Variants in MBNL1 observed in about 807,000 individuals in gnomAD.
The protein encoded by MBNL1 is muscleblind-like protein 1.
A neutral mutation model predicts 42.2 loss-of-function variants in MBNL1; 8 were observed. The ratio of observed to expected loss-of-function variants is 0.19; its 90% CI spans 0.11 to 0.34. MBNL1 has a LOEUF of 0.34. Among genes scored for constraint, MBNL1 ranks in the 10% least tolerant of loss-of-function variants. The probability of loss-of-function intolerance (pLI) is 1.00; values close to 1 mark genes in which losing one functional copy is unlikely to be tolerated. For missense variants in MBNL1, 309 were observed against 495.3 expected (o/e 0.62, Z 3.57); for synonymous variants, 169 against 173.9 (o/e 0.97, Z 0.22).
chr3:152,295,902 A>G (rs148979546), intron 1 of MBNL1, among the ~76,000 whole-genome samples: 2 of 152,346 alleles, frequency 1.3e-5, no homozygotes, highest in African/African-American at 2.4e-5. Context: ...GAGAAGCAAC[A>G]AGATAAAATG....
intron 1 of MBNL1, among the ~76,000 whole-genome samples, chr3:152,293,250 C>T (rs1320986250): frequency 6.6e-6 from 1 of 152,176 alleles, no homozygotes; most frequent in Non-Finnish European, 1.5e-5. Flanking sequence ...ATACTTACCT[C>T]TGCTTTTTGC....
At chr3:152,385,937 A>G (rs1317446218) in intron 2 of MBNL1, among the ~76,000 whole-genome samples, 1 of 152,032 alleles carries the variant, frequency 6.6e-6, no homozygotes, top group Non-Finnish European at 1.5e-5. Flanking sequence ...TCCCATATTA[A>G]TCCCTTGAGT....
intron 2 of MBNL1, among the ~76,000 whole-genome samples, chr3:152,344,748 A>C (rs2152897070): frequency 6.6e-6 from 1 of 152,258 alleles, no homozygotes. Context: ...AGAAATTATC[A>C]CTTACACGTG....
chr3:152,252,988 T>C (rs2149424045), intron 2 of MBNL1, among the ~76,000 whole-genome samples: 1 of 152,274 alleles, frequency 6.6e-6, no homozygotes, highest in East Asian at 1.9e-4. Context: ...TGTTCCGTTT[T>C]ATCACTTACT....
intron 2 of MBNL1, among the ~76,000 whole-genome samples, chr3:152,407,209 C>CTTTTTT (rs60509782): frequency 1.5e-4 from 8 of 54,350 alleles, no homozygotes; most frequent in East Asian, 7.6e-4. Flanking sequence ...GAAATATGTT[C>CTTTTTT]TTTTTTTTTT....
At chr3:152,255,666 G>T (rs891702115) in intron 2 of MBNL1, among the ~76,000 whole-genome samples, 3 of 152,040 alleles carry the variant, frequency 2.0e-5, no homozygotes, top group African/African-American at 7.2e-5. Flanking sequence ...AACTAGTAAA[G>T]AAATAAAATT....
At chr3:152,273,758 A>T (rs1162891178) in intron 1 of MBNL1, among the ~76,000 whole-genome samples, 1 of 152,214 alleles carries the variant, frequency 6.6e-6, no homozygotes, top group Non-Finnish European at 1.5e-5. Context: ...CATATGCTCC[A>T]AAAGAAAAAC....
chr3:152,370,072 G>T (rs1027681616), intron 2 of MBNL1, among the ~76,000 whole-genome samples: 3 of 151,968 alleles, frequency 2.0e-5, no homozygotes, highest in African/African-American at 7.3e-5. Context: ...GTTTGCCCTT[G>T]CTTCTCTTGT....
chr3:152,271,856 A>C (rs1028276630), intron 1 of MBNL1, among the ~76,000 whole-genome samples: 3 of 152,172 alleles, frequency 2.0e-5, no homozygotes, highest in Non-Finnish European at 4.4e-5. Context: ...GCTGTTGAGC[A>C]CTTGAAATGT....
intron 3 of MBNL1, among the ~76,000 whole-genome samples, chr3:152,426,530 T>C (rs1299221399): frequency 6.6e-6 from 1 of 152,208 alleles, no homozygotes; most frequent in African/African-American, 2.4e-5. Context: ...TAGATTTCTT[T>C]AGTGCATCCC....
chr3:152,406,053 A>G (rs762205765), intron 2 of MBNL1, among the ~76,000 whole-genome samples: 3 of 152,170 alleles, frequency 2.0e-5, no homozygotes, highest in African/African-American at 2.4e-5. Flanking sequence ...GGAGTGTTCA[A>G]TGATGCTGGC....
At chr3:152,291,974 G>GA (rs2056259580) in intron 1 of MBNL1, among the ~76,000 whole-genome samples, 1 of 152,150 alleles carries the variant, frequency 6.6e-6, no homozygotes, top group South Asian at 2.1e-4. Context: ...TTTCTGTAGA[G>GA]ATGGGGTCTC....
Position 152,463,265 on chromosome 3 carries a change from T to TAA in MBNL1, c.*900_*901dup, listed in dbSNP as rs1156617110. The TAA allele has an allele frequency of 6.6e-6, 1 of 150,988 alleles. No homozygotes were observed. The highest frequency in any genetic ancestry group is 1.5e-5 in the Non-Finnish European group (1 of 67,704). The allele number at this position is 150,988 out of a possible 1,614,324, so 9.4% of individuals were successfully genotyped here. A position where few individuals can be genotyped will look rare whatever the true frequency, so the allele number is the denominator to read the frequency against. On this transcript the variant is annotated 3_prime_UTR_variant, in exon 10 of 10. Transcript: ENST00000324210. Reference sequence around the variant, plus strand: ...CTCACACATACTGGAGATATATATATAATAGATATATATAAAATTATTTTA... The same window carrying TAA: ...CTCACACATACTGGAGATATATATATAAAATAGATATATATAAAATTATTTTA...
At chr3:152,368,990 A>G (rs2096546734) in intron 2 of MBNL1, among the ~76,000 whole-genome samples, 3 of 152,146 alleles carry the variant, frequency 2.0e-5, no homozygotes, top group African/African-American at 7.2e-5. Flanking sequence ...TTCCTATTTG[A>G]ATACACTTTA....
At chr3:152,394,855 G>A (rs1052648069) in intron 2 of MBNL1, among the ~76,000 whole-genome samples, 2 of 152,046 alleles carry the variant, frequency 1.3e-5, no homozygotes, top group Admixed American at 1.3e-4. Flanking sequence ...ATCATCCATA[G>A]TTAATTTTTC....
intron 2 of MBNL1, among the ~76,000 whole-genome samples, chr3:152,336,914 A>G (rs780919469): frequency 2.6e-5 from 4 of 152,234 alleles, no homozygotes; most frequent in African/African-American, 9.6e-5. Flanking sequence ...TTACACACAC[A>G]TAACTGCTTT....
At chr3:152,351,550 A>G (rs1690873565) in intron 2 of MBNL1, among the ~76,000 whole-genome samples, 1 of 152,188 alleles carries the variant, frequency 6.6e-6, no homozygotes, top group Non-Finnish European at 1.5e-5. Flanking sequence ...TATTTGTCAA[A>G]TCCTGACCCT....
chr3:152,371,936 C>T (rs770990368), intron 2 of MBNL1, among the ~76,000 whole-genome samples: 2 of 152,168 alleles, frequency 1.3e-5, no homozygotes, highest in Non-Finnish European at 2.9e-5. Flanking sequence ...TTCAGGTACA[C>T]CAGTCAAACA....
At chr3:152,344,884 G>C (rs190808428) in intron 2 of MBNL1, among the ~76,000 whole-genome samples, 1 of 152,030 alleles carries the variant, frequency 6.6e-6, no homozygotes, top group Non-Finnish European at 1.5e-5. Flanking sequence ...CCATACAGAT[G>C]GAAAGGCACA....
Sources: gnomAD v4.1 joint callset for allele counts (sites outside exome capture counted in the v4.1 genomes callset) on GRCh38, gnomAD v4.1.1 for gene constraint, MANE v1.5 for transcripts, NCBI Gene and HGNC (gene_info 2026-07-23, HGNC 2026-07-21) for gene names.